The following MTUS1 variants were observed in gnomAD, a reference collection of about 807,000 sequenced individuals.
The protein encoded by MTUS1 is microtubule associated scaffold protein 1, also known as microtubule-associated tumor suppressor 1.
A neutral mutation model predicts 120.8 loss-of-function variants in MTUS1; 109 were observed. The ratio of observed to expected loss-of-function variants is 0.90; its 90% CI spans 0.77 to 1.06. MTUS1 has a LOEUF of 1.06. Ranked by LOEUF, MTUS1 falls within the 50% of genes least tolerant of loss-of-function variation. The pLI is 0.00. For synonymous variants in MTUS1, 737 were observed against 550.5 expected (o/e 1.34, Z -4.74); for missense variants, 2,210 against 1,486.3 (o/e 1.49, Z -8.01).
chr8:17,685,953 G>A (rs1815700742), intron 6 of MTUS1, among the ~76,000 whole-genome samples: 1 of 152,164 alleles, frequency 6.6e-6, no homozygotes, highest in Non-Finnish European at 1.5e-5. Context: ...AGCCCTGAAG[G>A]AAGAACAAAT....
At chr8:17,661,152 C>T (rs1283997467) in intron 8 of MTUS1, among the ~76,000 whole-genome samples, 1 of 152,090 alleles carries the variant, frequency 6.6e-6, no homozygotes, top group Admixed American at 6.6e-5. Context: ...TTAGCTTCTG[C>T]CAAGTAACTT....
chr8:17,735,076 G>A (rs965858376), intron 3 of MTUS1, among the ~76,000 whole-genome samples: 3 of 152,082 alleles, frequency 2.0e-5, no homozygotes, highest in African/African-American at 4.8e-5. Context: ...GAGCCACTGG[G>A]CCTGTCTCTT....
At chr8:17,721,675 G>A in intron 4 of MTUS1, 1 of 1,534,970 alleles carries the variant, frequency 6.5e-7, no homozygotes, top group Non-Finnish European at 8.8e-7. Flanking sequence ...ATTTAAGCAT[G>A]CTTACAAAGA....
chr8:17,763,746 T>A (rs949519412), intron 1 of MTUS1, among the ~76,000 whole-genome samples: 17 of 152,150 alleles, frequency 1.1e-4, no homozygotes, highest in African/African-American at 4.1e-4. Context: ...ATCTAACTCA[T>A]CTCCTCTTCT....
At chr8:17,691,722 C>G (rs1190010418) in intron 6 of MTUS1, among the ~76,000 whole-genome samples, 1 of 152,010 alleles carries the variant, frequency 6.6e-6, no homozygotes, top group Non-Finnish European at 1.5e-5. Flanking sequence ...TTAATGGAAG[C>G]TTTCTAATAT....
chr8:17,728,854 A>T (rs2046382970), intron 3 of MTUS1, among the ~76,000 whole-genome samples: 1 of 152,186 alleles, frequency 6.6e-6, no homozygotes, highest in South Asian at 2.1e-4. Flanking sequence ...CAGTGTGCAG[A>T]ACTGACTGAA....
At chr8:17,679,371 G>T (rs919112660) in intron 7 of MTUS1, among the ~76,000 whole-genome samples, 3 of 151,712 alleles carry the variant, frequency 2.0e-5, no homozygotes, top group Admixed American at 6.6e-5. Flanking sequence ...GTGTGTGTGT[G>T]TGTGTGTATA....
intron 4 of MTUS1, chr8:17,722,353 T>G: frequency 1.0e-6 from 1 of 968,692 alleles, no homozygotes; most frequent in Non-Finnish European, 1.2e-6. Flanking sequence ...TGATTCTGTT[T>G]TGGCAGTTTG....
At chr8:17,739,022 G>A (rs934759295) in intron 3 of MTUS1, among the ~76,000 whole-genome samples, 1 of 151,824 alleles carries the variant, frequency 6.6e-6, no homozygotes, top group African/African-American at 2.4e-5. Context: ...ACACATCTGT[G>A]ATACCAGGTA....
chr8:17,747,576 G>A (rs1396723350), intron 2 of MTUS1, among the ~76,000 whole-genome samples: 2 of 152,136 alleles, frequency 1.3e-5, no homozygotes, highest in Non-Finnish European at 2.9e-5. Flanking sequence ...TTCTAAACCT[G>A]TTTGCCCACT....
chr8:17,759,902 GA>G lies in MTUS1; in HGVS notation c.-154-3942del, dbSNP rs1326121961. Among the ~76,000 whole-genome samples, 5 of 151,762 alleles carry G rather than the reference GA, an allele frequency of 3.3e-5. No homozygotes were observed. In the East Asian group the frequency reaches 9.7e-4, roughly 29 times the overall value. ...AACATTTTAGTACACTTGGGTTTAT[GA>G]TTTTTTTTTAATTCACAAAAAGAGA... On this transcript the variant is annotated intron_variant, in intron 1 of 14. Coordinates refer to ENST00000693296, the MANE Select transcript of MTUS1 (RefSeq NM_001363059.2).
chr8:17,726,309 A>C (rs966244431), intron 3 of MTUS1, among the ~76,000 whole-genome samples: 3 of 152,118 alleles, frequency 2.0e-5, no homozygotes, highest in African/African-American at 7.2e-5. Context: ...CTGCCAGGAC[A>C]CCCTTCTCTG....
At chr8:17,700,824 A>G (rs1212347115) in intron 6 of MTUS1, among the ~76,000 whole-genome samples, 1 of 152,234 alleles carries the variant, frequency 6.6e-6, no homozygotes, top group African/African-American at 2.4e-5. Flanking sequence ...TGTAAAGTCT[A>G]TACTAAGGCT....
rs530113720 is a variant in MTUS1 at position 17,703,457 on chromosome 8, C to A, written c.2623+9757G>T. Among the ~76,000 whole-genome samples, 19 of 152,058 alleles carry A rather than the reference C, an allele frequency of 1.2e-4. No homozygotes were observed. The South Asian group carries it at 3.8e-3, about 30-fold the overall frequency. On this transcript the variant is annotated intron_variant, in intron 6 of 14. Transcript: ENST00000693296. ...GACCATCCTGGTTAACATGGTGAAA[C>A]CCCGTCTCTACTAGAAATGTAAAAA...
chr8:17,758,632 C>T (rs2048805472), intron 1 of MTUS1, among the ~76,000 whole-genome samples: 1 of 152,166 alleles, frequency 6.6e-6, no homozygotes, highest in South Asian at 2.1e-4. Flanking sequence ...TTTCCAAAAG[C>T]ACTAAATATG....
chr8:17,712,286 GAC>G (rs1240154574), intron 6 of MTUS1, among the ~76,000 whole-genome samples: 1 of 152,068 alleles, frequency 6.6e-6, no homozygotes, highest in Non-Finnish European at 1.5e-5. Flanking sequence ...TATAAAATAA[GAC>G]AATGTAGGCA....
chr8:17,658,655 T>A (rs1275901773), intron 8 of MTUS1, among the ~76,000 whole-genome samples: 2 of 152,188 alleles, frequency 1.3e-5, no homozygotes, highest in East Asian at 3.9e-4. Context: ...TGGAAAGGAA[T>A]AACATATCAG....
intron 5 of MTUS1, among the ~76,000 whole-genome samples, chr8:17,715,096 G>T (rs1165450984): frequency 1.3e-5 from 2 of 151,274 alleles, no homozygotes; most frequent in African/African-American, 4.9e-5. Context: ...AGTAGAGATG[G>T]GGTTTTGCCA....
intron 1 of MTUS1, among the ~76,000 whole-genome samples, chr8:17,765,717 C>CACACAA (rs1052617372): frequency 4.9e-5 from 7 of 143,464 alleles, no homozygotes; most frequent in Non-Finnish European, 9.2e-5. Context: ...CACACACACA[C>CACACAA]AAATGCACAC....
Sources: allele counts gnomAD v4.1 joint callset (sites outside exome capture counted in the v4.1 genomes callset), GRCh38; gene constraint gnomAD v4.1.1; transcripts MANE v1.5; gene names NCBI Gene and HGNC (gene_info 2026-07-23, HGNC 2026-07-21).